The following ATXN8OS variants were observed in gnomAD, a reference collection of about 807,000 sequenced individuals.
ATXN8OS encodes the protein ATXN8 opposite strand (non-protein coding).
chr13:70,154,459 G>A (rs1248293266), intron 4 of ATXN8OS, among the ~76,000 whole-genome samples: 2 of 152,080 alleles, frequency 1.3e-5, no homozygotes, highest in Non-Finnish European at 2.9e-5. Context: ...GGAGGAGGTG[G>A]GATAAGTGAT....
chr13:70,121,057 A>T (rs771172389), intron 2 of ATXN8OS, among the ~76,000 whole-genome samples: 30 of 149,990 alleles, frequency 2.0e-4, no homozygotes, highest in Non-Finnish European at 3.6e-4. Context: ...TGTAACCTAA[A>T]ACTTAAAGTA....
At chr13:70,128,563 C>A (rs1247879780) in intron 2 of ATXN8OS, among the ~76,000 whole-genome samples, 1 of 151,350 alleles carries the variant, frequency 6.6e-6, no homozygotes, top group Non-Finnish European at 1.5e-5. Flanking sequence ...AAAAAAATTA[C>A]AATCTCAGTA....
intron 4 of ATXN8OS, among the ~76,000 whole-genome samples, chr13:70,163,395 AT>A (rs111306478): frequency 0.083 from 12,585 of 151,876 alleles, 655 homozygotes; most frequent in Non-Finnish European, 0.099. Flanking sequence ...ATTTTCTTTC[AT>A]TTTCCCATAT....
intron 2 of ATXN8OS, among the ~76,000 whole-genome samples, chr13:70,115,985 C>T (rs1888272871): frequency 1.3e-5 from 2 of 151,972 alleles, no homozygotes; most frequent in African/African-American, 4.8e-5. Context: ...TATTGTAATT[C>T]TCAAAATTGT....
chr13:70,155,085 G>A (rs749592518), intron 4 of ATXN8OS, among the ~76,000 whole-genome samples: 26 of 152,280 alleles, frequency 1.7e-4, no homozygotes, highest in Non-Finnish European at 3.7e-4. Flanking sequence ...TCAGTCAGCT[G>A]GGCCTGAGTG....
At chr13:70,125,484 T>C (rs1488666785) in intron 2 of ATXN8OS, among the ~76,000 whole-genome samples, 1 of 152,198 alleles carries the variant, frequency 6.6e-6, no homozygotes, top group East Asian at 1.9e-4. Context: ...ATTCAATGGG[T>C]ACTCAAATTT....
Position 70,168,986 on chromosome 13 carries a change from C to A in ATXN8OS, n.574-767C>A, listed in dbSNP as rs531179078. Among the ~76,000 whole-genome samples, 43 of 152,132 alleles carry A rather than the reference C, an allele frequency of 2.8e-4. 2 individuals carry two copies. The South Asian group carries it at 8.9e-3, about 32-fold the overall frequency. On this transcript the variant is annotated intron_variant and non_coding_transcript_variant, in intron 4 of 4. Coordinates refer to ENST00000678624, the Ensembl canonical transcript of ATXN8OS. Reference sequence around the variant, plus strand: ...TGTTAACTATAGAAGAAATTGTAAACCAGTAATGTCACTGATGCTTATTTT... The same window carrying A: ...TGTTAACTATAGAAGAAATTGTAAAACAGTAATGTCACTGATGCTTATTTT...
chr13:70,152,686 C>A (rs148252511), intron 4 of ATXN8OS, among the ~76,000 whole-genome samples: 1 of 151,998 alleles, frequency 6.6e-6, no homozygotes, highest in Non-Finnish European at 1.5e-5. Context: ...AAGCCTCTCA[C>A]GTCTTTTAAT....
chr13:70,156,503 T>C (rs1888938174), intron 4 of ATXN8OS, among the ~76,000 whole-genome samples: 2 of 152,118 alleles, frequency 1.3e-5, no homozygotes, highest in South Asian at 4.1e-4. Flanking sequence ...TTTCTACATA[T>C]AAAGAAAATA....
At chr13:70,153,763 T>C (rs984146021) in intron 4 of ATXN8OS, among the ~76,000 whole-genome samples, 2 of 152,082 alleles carry the variant, frequency 1.3e-5, no homozygotes, top group African/African-American at 4.8e-5. Context: ...CACTGCAGCC[T>C]TGACTTCCCA....
exon 5 of ATXN8OS, among the ~76,000 whole-genome samples, chr13:70,171,351 G>A (rs1206850950): frequency 2.6e-5 from 4 of 152,058 alleles, no homozygotes; most frequent in Admixed American, 2.6e-4. Flanking sequence ...AGAAACTTTA[G>A]GCTAAACTTA....
intron 2 of ATXN8OS, among the ~76,000 whole-genome samples, chr13:70,124,695 T>C (rs1453320343): frequency 6.6e-6 from 1 of 152,110 alleles, no homozygotes; most frequent in Non-Finnish European, 1.5e-5. Context: ...TTATTGTTTT[T>C]TTTCCCCGGA....
chr13:70,156,997 A>T (rs1468663679), intron 4 of ATXN8OS, among the ~76,000 whole-genome samples: 1 of 152,176 alleles, frequency 6.6e-6, no homozygotes, highest in Non-Finnish European at 1.5e-5. Flanking sequence ...ACATTTTAAA[A>T]TTAGGAAATA....
intron 3 of ATXN8OS, among the ~76,000 whole-genome samples, chr13:70,144,037 G>T (rs1043775579): frequency 3.3e-5 from 5 of 152,082 alleles, no homozygotes; most frequent in African/African-American, 9.7e-5. Flanking sequence ...AACTGTCACA[G>T]AATGGTTTTG....
intron 4 of ATXN8OS, among the ~76,000 whole-genome samples, chr13:70,168,086 A>G (rs1289147231): frequency 6.6e-6 from 1 of 152,018 alleles, no homozygotes; most frequent in East Asian, 1.9e-4. Flanking sequence ...ACAGAGAATT[A>G]CCTTCCATAT....
At chr13:70,123,779 A>C (rs1056195864) in intron 2 of ATXN8OS, among the ~76,000 whole-genome samples, 5 of 152,120 alleles carry the variant, frequency 3.3e-5, no homozygotes, top group African/African-American at 1.2e-4. Context: ...ATAAATATTT[A>C]ACTTAGTGCC....
At chr13:70,123,012 A>C (rs1340359327) in intron 2 of ATXN8OS, among the ~76,000 whole-genome samples, 1 of 152,014 alleles carries the variant, frequency 6.6e-6, no homozygotes, top group Non-Finnish European at 1.5e-5. Context: ...TTGTGGAAAA[A>C]TAAATTAAAT....
upstream of ATXN8OS, chr13:70,107,683 C>T (rs754998896): frequency 5.9e-6 from 9 of 1,528,752 alleles, no homozygotes; most frequent in East Asian, 4.5e-5. Context: ...GAAGTCTTTT[C>T]GCCCAGAGCC....
At chr13:70,147,232 CT>C (rs1888798390) in intron 3 of ATXN8OS, among the ~76,000 whole-genome samples, 4 of 152,098 alleles carry the variant, frequency 2.6e-5, no homozygotes, top group Non-Finnish European at 5.9e-5. Context: ...GTTTTAAAAA[CT>C]AATATAAGAA....
Sources: allele counts gnomAD v4.1 joint callset (sites outside exome capture counted in the v4.1 genomes callset), GRCh38; gene constraint gnomAD v4.1.1; transcripts MANE v1.5; gene names NCBI Gene and HGNC (gene_info 2026-07-23, HGNC 2026-07-21).